The following FERMT3 variants were observed in gnomAD, a reference collection of about 807,000 sequenced individuals.
FERMT3 encodes FERM domain containing kindlin 3.
In FERMT3, 33 loss-of-function variants were observed where a neutral mutation model predicts 80.8. The ratio of observed to expected loss-of-function variants is 0.41; its 90% CI spans 0.31 to 0.55. The LOEUF (loss-of-function observed/expected upper bound fraction) is 0.55. Ranked by LOEUF, FERMT3 falls within the 20% of genes least tolerant of loss-of-function variation. FERMT3 has a pLI of 0.31. For synonymous variants in FERMT3, 375 were observed against 372.2 expected (o/e 1.01, Z -0.09); for missense variants, 754 against 908.7 (o/e 0.83, Z 2.19).
Position 64,210,555 on chromosome 11 carries a change from G to A in FERMT3, c.161-56G>A. ...CTTCTGAATCCTGGGGTTGTGCTGG[G>A]TGTTGGGGGCACCAGGGAGGAAGGT... On this transcript the variant is annotated intron_variant, in intron 2 of 14. Transcript: ENST00000345728. This position sits in a 1 kb window ranked among gnomAD's most constrained non-coding sequence, Gnocchi z 4.3. The A allele has an allele frequency of 6.5e-7, 1 of 1,549,634 alleles. No individual in the cohort carries two copies. Among genetic ancestry groups the A allele is most frequent in the Non-Finnish European group, 8.9e-7 (1 of 1,122,612 alleles).
At position 64,211,229 on chromosome 11, in the gene FERMT3, C is replaced by T. The variant is rs1946430153; in HGVS notation, c.515-46C>T. The T allele has an allele frequency of 6.2e-7, 1 of 1,610,244 alleles. No individual in the cohort carries two copies. Among genetic ancestry groups the T allele is most frequent in the African/African-American group, 1.3e-5 (1 of 74,786 alleles). On this transcript the variant is annotated intron_variant, in intron 4 of 14. Coordinates refer to ENST00000345728, the MANE Select transcript of FERMT3 (RefSeq NM_031471.6). The surrounding 1 kb of genome is among the most constrained non-coding windows in gnomAD (Gnocchi z 4.7). ...GGGGGCAGGGGCCGGCCCGTGAGTC[C>T]CAGCCCTGGGGGACAGGCCTGGTTG...
At chr11:64,214,780 T>C (rs1032694222) in intron 6 of FERMT3, among the ~76,000 whole-genome samples, 10 of 152,000 alleles carry the variant, frequency 6.6e-5, no homozygotes, top group African/African-American at 2.2e-4. Flanking sequence ...CCAAGAGCTC[T>C]TGTTTTTTGA....
chr11:64,216,506 G>A (rs1295208670), intron 6 of FERMT3, among the ~76,000 whole-genome samples: 1 of 141,524 alleles, frequency 7.1e-6, no homozygotes, highest in African/African-American at 2.5e-5. Flanking sequence ...GCCTCTATAA[G>A]GATTTTTTCG....
At chr11:64,213,455 A>G (rs1946484938) in intron 6 of FERMT3, among the ~76,000 whole-genome samples, 1 of 149,186 alleles carries the variant, frequency 6.7e-6, no homozygotes, top group Non-Finnish European at 1.5e-5. Flanking sequence ...GTTTCACCAT[A>G]TTGGTCAGGC....
upstream of FERMT3, among the ~76,000 whole-genome samples, chr11:64,206,105 A>G (rs1193981853): frequency 1.3e-5 from 2 of 151,954 alleles, no homozygotes; most frequent in African/African-American, 4.8e-5. Context: ...AGCACAGTGG[A>G]GGGGTCGTGT....
Position 64,211,088 on chromosome 11 carries a change from C to A in FERMT3, c.431C>A (p.Ala144Asp), listed in dbSNP as rs778511386. ...CCCGAGGAGCTGTCCCTGCTCCGGGCTCCTGAGAAGAAGGAGAAGAAGAAG... is the reference window on the plus strand; with the variant it reads ...CCCGAGGAGCTGTCCCTGCTCCGGGATCCTGAGAAGAAGGAGAAGAAGAAG... ...RHPEELSLLR[A>D]PEKKEKKKKE... Residue 144 changes from alanine to aspartate, a missense_variant, in exon 4 of 15, where the codon GCT becomes GAT. Physicochemically the swap from Ala to Asp is moderately radical, Grantham distance 126. Coordinates refer to ENST00000345728, the MANE Select transcript of FERMT3 (RefSeq NM_031471.6). The surrounding 1 kb of genome is among the most constrained non-coding windows in gnomAD (Gnocchi z 4.7). 6.3e-7 allele frequency: 1 copy of A among 1,583,208 alleles called. No homozygotes were observed. The highest frequency in any genetic ancestry group is 8.6e-7 in the Non-Finnish European group (1 of 1,164,498).
In FERMT3 at chr11:64,222,240, CAAATAAATAAATAAAT is replaced by C. The variant is rs56402636; in HGVS notation, c.1671-780_1671-765del. ...GGTGCGAACGAGTGAGACTCAGTCT[CAAATAAATAAATAAAT>C]AAATAAATAAATAAATAAATAAATA... On this transcript the variant is annotated intron_variant, in intron 13 of 14. Coordinates refer to ENST00000345728, the MANE Select transcript of FERMT3 (RefSeq NM_031471.6). 2.9e-3 allele frequency among the ~76,000 whole-genome samples: 405 copies of C among 137,330 alleles called. 2 individuals carry two copies. Among genetic ancestry groups the C allele is most frequent in the East Asian group, 0.023 (108 of 4,690 alleles). 90.1% of individuals were successfully genotyped at this position (137,330 alleles called of 152,430 possible).
chr11:64,222,240 CAAATAAATAAAT>C (rs56402636), intron 13 of FERMT3, among the ~76,000 whole-genome samples: 95 of 137,334 alleles, frequency 6.9e-4, no homozygotes, highest in East Asian at 4.5e-3. Context: ...GACTCAGTCT[CAAATAAATAAAT>C]AAATAAATAA....
At position 64,220,265 on chromosome 11, in the gene FERMT3, G is replaced by A; in HGVS notation, c.1250G>A (p.Cys417Tyr). 1.2e-6 allele frequency: 2 copies of A among 1,613,954 alleles called. No individual in the cohort carries two copies. Among genetic ancestry groups the A allele is most frequent in the South Asian group, 2.2e-5 (2 of 91,082 alleles). Residue 417 changes from cysteine (C) to tyrosine (Y), a missense_variant, in exon 11 of 15, where the codon TGC (cysteine) becomes TAC (tyrosine). Physicochemically the swap from Cys to Tyr is radical, Grantham distance 194. Coordinates refer to ENST00000345728, the MANE Select transcript of FERMT3 (RefSeq NM_031471.6). Reference sequence around the variant, plus strand: ...GTTAACGTCTCCGGCCAGAAGTTCTGCATTAAACTCCTAGTGCCCTCCCCT... The same window carrying A: ...GTTAACGTCTCCGGCCAGAAGTTCTACATTAAACTCCTAGTGCCCTCCCCT... ...PDVNVSGQKF[C>Y]IKLLVPSPEG...
Position 64,220,174 on chromosome 11 carries a change from G to A in FERMT3, c.1205-46G>A, listed in dbSNP as rs767791720. On this transcript the variant is annotated intron_variant, in intron 10 of 14. Coordinates refer to ENST00000345728, the MANE Select transcript of FERMT3 (RefSeq NM_031471.6). ...AGGATGCACTCCAGGACCTCAGGCG[G>A]CTCTTCCCCTCCCGACCTCCTAGAC... 3 of 1,593,530 alleles carry A rather than the reference G, an allele frequency of 1.9e-6. No homozygotes were observed. The East Asian group carries it at 6.7e-5, about 36-fold the overall frequency.
At position 64,211,006 on chromosome 11, in the gene FERMT3, G is replaced by A. The variant is rs777731008; in HGVS notation, c.395-46G>A. 3.7e-6 allele frequency: 6 copies of A among 1,608,216 alleles called. No individual in the cohort carries two copies. Among genetic ancestry groups the A allele is most frequent in the South Asian group, 3.3e-5 (3 of 90,008 alleles). On this transcript the variant is annotated intron_variant, in intron 3 of 14. Transcript: ENST00000345728. This position sits in a 1 kb window ranked among gnomAD's most constrained non-coding sequence, Gnocchi z 4.7. ...CAAGCACCCATGGGTGAGGTGGGGA[G>A]GCTGCAGCAGGACCTAGTCCCCGCT...
Position 64,223,354 on chromosome 11 carries a change from C to T in FERMT3, c.1854C>T (p.Ser618=). Residue 618 remains serine, a synonymous_variant, in exon 15 of 15, where the codon AGC becomes AGT. Transcript: ENST00000345728. ...EFDEHINVAF[S]CVSASCRIVH... is the part of the protein sequence containing the mutation. ...ATGAACACATCAATGTGGCCTTCAGCTGCGTGTCTGCCAGCTGCCGAATTG... is the reference window on the plus strand; with the variant it reads ...ATGAACACATCAATGTGGCCTTCAGTTGCGTGTCTGCCAGCTGCCGAATTG... 10 of 1,614,122 alleles carry T rather than the reference C, an allele frequency of 6.2e-6. No homozygotes were observed. The highest frequency in any genetic ancestry group is 8.5e-6 in the Non-Finnish European group (10 of 1,180,048).
chr11:64,214,438 C>T lies in FERMT3; in HGVS notation c.786+2691C>T, dbSNP rs185494823. ...TTGGCTCACTGCAACCTCCGCCTCC[C>T]GGATTCAAGCGATTCTCCTGCCTCA... On this transcript the variant is annotated intron_variant, in intron 6 of 14. Transcript: ENST00000345728. Among the ~76,000 whole-genome samples, 16 of 151,312 alleles carry T rather than the reference C, an allele frequency of 1.1e-4. No individual in the cohort carries two copies. The East Asian group carries it at 1.6e-3, about 15-fold the overall frequency.
intron 13 of FERMT3, 38 bp from the exon 14 acceptor site, chr11:64,223,010 G>C: frequency 3.1e-6 from 5 of 1,612,678 alleles, no homozygotes; most frequent in Non-Finnish European, 4.2e-6. Context: ...GGCCATGCAG[G>C]GTGGAGCCCT....
At chr11:64,222,630 C>G (rs1244136533) in intron 13 of FERMT3, among the ~76,000 whole-genome samples, 1 of 151,572 alleles carries the variant, frequency 6.6e-6, no homozygotes, top group Non-Finnish European at 1.5e-5. Context: ...CTTGCTCCAG[C>G]TCTGCTGTGG....
chr11:64,209,479 G>A (rs1946389850), intron 2 of FERMT3, among the ~76,000 whole-genome samples: 1 of 152,152 alleles, frequency 6.6e-6, no homozygotes, highest in Non-Finnish European at 1.5e-5. Flanking sequence ...GTCCCAGGCC[G>A]AACCTGGGGA....
Position 64,220,034 on chromosome 11 carries a change from G to T in FERMT3, c.1204+19G>T. On this transcript the variant is annotated intron_variant, in intron 10 of 14. Coordinates refer to ENST00000345728, the MANE Select transcript of FERMT3 (RefSeq NM_031471.6). ...CTCAAGGGTAAGTGCACAGGGCCAGGGGCTGGGTGGGGGGATCCCCACTTG... is the reference window on the plus strand; with the variant it reads ...CTCAAGGGTAAGTGCACAGGGCCAGTGGCTGGGTGGGGGGATCCCCACTTG... 1 of 1,612,964 alleles carries T rather than the reference G, an allele frequency of 6.2e-7. No individual in the cohort carries two copies.
At position 64,221,114 on chromosome 11, in the gene FERMT3, C is replaced by A; in HGVS notation, c.1644C>A (p.Asp548Glu). 1 of 1,610,762 alleles carries A rather than the reference C, an allele frequency of 6.2e-7. No homozygotes were observed. The highest frequency in any genetic ancestry group is 8.5e-7 in the Non-Finnish European group (1 of 1,180,000). Reference protein sequence around the residue: ...RFIQAWQSLPDFGISYVMVRF... With the variant: ...RFIQAWQSLPEFGISYVMVRF... ...TCCAGGCCTGGCAGTCCCTGCCCGA[C>A]TTCGGCATCTCCTATGTCATGGTCA... is the stretch of plus-strand genomic sequence containing the variant. Residue 548 changes from aspartate (D) to glutamate (E), a missense_variant, in exon 13 of 15, where the codon GAC becomes GAA. Coordinates refer to ENST00000345728, the MANE Select transcript of FERMT3 (RefSeq NM_031471.6).
rs1248940301 is a variant in FERMT3, at chr11:64,207,394, C to A, written c.30C>A (p.Asp10Glu). Residue 10 changes from aspartate to glutamate, a missense_variant, in exon 2 of 15, where the codon GAC becomes GAA. Transcript: ENST00000345728. ...CGGGGATGAAGACAGCCTCCGGGGA[C>A]TACATCGACTCGTCATGGGAGCTGC... The part of the protein sequence containing the change: MAGMKTASG[D>E]YIDSSWELRV... 6.2e-7 allele frequency: 1 copy of A among 1,614,072 alleles called. No individual in the cohort carries two copies. Among genetic ancestry groups the A allele is most frequent in the East Asian group, 2.2e-5 (1 of 44,896 alleles).
Sources: allele counts gnomAD v4.1 joint callset (sites outside exome capture counted in the v4.1 genomes callset), GRCh38; gene constraint gnomAD v4.1.1; non-coding constraint Gnocchi (gnomAD v3.1); transcripts MANE v1.5; gene names NCBI Gene and HGNC (gene_info 2026-07-23, HGNC 2026-07-21).